C9orf85: variants seen among roughly 807,000 people sequenced by gnomAD.
C9orf85 encodes the protein chromosome 9 open reading frame 85.
In C9orf85, 16 loss-of-function variants were observed where a neutral mutation model predicts 14.9. That is an observed-to-expected ratio of 1.08 (90% CI 0.73 to 1.63). The LOEUF (loss-of-function observed/expected upper bound fraction) is 1.63, where lower values mean the gene tolerates loss of function less well. C9orf85 is among the 40% of genes most tolerant of loss of function. The pLI is 0.00. For synonymous variants in C9orf85, 45 were observed against 56.8 expected, an observed-to-expected ratio of 0.79 and a Z score of 0.93; for missense variants, 172 against 186.1, an observed-to-expected ratio of 0.92 and a Z score of 0.44.
At chr9:71,931,183 A>G (rs1001362193) in intron 1 of C9orf85, among the ~76,000 whole-genome samples, 2 of 152,202 alleles carry the variant, frequency 1.3e-5, no homozygotes, top group African/African-American at 4.8e-5. Flanking sequence ...GAATCTGGGA[A>G]AAATTACATC....
downstream of C9orf85, among the ~76,000 whole-genome samples, chr9:71,976,604 G>A (rs1823002323): frequency 6.6e-6 from 1 of 151,572 alleles, no homozygotes; most frequent in African/African-American, 2.4e-5. Context: ...GGAGCTTACA[G>A]TGAGCCGAGA....
chr9:71,937,591 A>C (rs114782606), intron 1 of C9orf85, among the ~76,000 whole-genome samples: 4 of 152,338 alleles, frequency 2.6e-5, no homozygotes, highest in African/African-American at 9.6e-5. Context: ...ATATTGAACA[A>C]GAGGATCATT....
chr9:71,957,785 C>G (rs1564095772), intron 2 of C9orf85, among the ~76,000 whole-genome samples: 2 of 152,134 alleles, frequency 1.3e-5, no homozygotes, highest in Non-Finnish European at 2.9e-5. Context: ...GAGAAAACCC[C>G]TGCAGTTGTG....
At chr9:71,958,241 A>T (rs577001543) in intron 2 of C9orf85, among the ~76,000 whole-genome samples, 47 of 122,770 alleles carry the variant, frequency 3.8e-4, no homozygotes, top group East Asian at 1.7e-3. Context: ...TTATATATAT[A>T]TTTTTTATAT....
rs372706730 is a variant in C9orf85, at chr9:71,911,836, G to A, written c.102G>A (p.Lys34=). 1.9e-6 allele frequency: 3 copies of A among 1,613,480 alleles called. No homozygotes were observed. The highest frequency in any genetic ancestry group is 2.2e-5 in the East Asian group (1 of 44,890). The change falls in exon 1 of 4, where the codon AAG becomes AAA. Residue 34 remains lysine, a splice_region_variant and synonymous_variant. Coordinates refer to ENST00000334731, the MANE Select transcript of C9orf85 (RefSeq NM_182505.5). ...AGTTCGATAAAAGTGTGCAGACCAA[G>A]GTAGGAACCTGCCTGTTGCACCGTC... The part of the protein sequence containing the change: ...NDKFDKSVQT[K]KINAKLHDGV...
intron 2 of C9orf85, among the ~76,000 whole-genome samples, chr9:71,969,138 A>G (rs1051378029): frequency 9.9e-5 from 15 of 152,144 alleles, no homozygotes; most frequent in African/African-American, 3.4e-4. Flanking sequence ...AACTGAACAT[A>G]CTGACATACT....
At chr9:71,957,495 C>G (rs946668864) in intron 2 of C9orf85, among the ~76,000 whole-genome samples, 5 of 152,042 alleles carry the variant, frequency 3.3e-5, no homozygotes, top group Non-Finnish European at 7.4e-5. Context: ...AAAATTTGTT[C>G]TAAAATACAA....
chr9:71,984,947 G>T (rs909690873), downstream of C9orf85: 6 of 152,304 alleles, frequency 3.9e-5, no homozygotes, highest in African/African-American at 1.4e-4. Context: ...TGGAGGAGGG[G>T]AGGAGAGAGA....
intron 1 of C9orf85, among the ~76,000 whole-genome samples, chr9:71,930,199 A>G (rs900624994): frequency 3.9e-4 from 59 of 152,288 alleles, no homozygotes; most frequent in African/African-American, 1.4e-3. Flanking sequence ...CACCTGACCA[A>G]AGTACAGCCA....
chr9:71,968,087 C>CATATATAT (rs764580008), intron 2 of C9orf85, among the ~76,000 whole-genome samples: 3 of 142,262 alleles, frequency 2.1e-5, no homozygotes, highest in African/African-American at 7.9e-5. Flanking sequence ...TCCATTGCTG[C>CATATATAT]ATATATATAT....
chr9:71,972,347 C>T (rs745868094), intron 3 of C9orf85, among the ~76,000 whole-genome samples: 1 of 152,078 alleles, frequency 6.6e-6, no homozygotes, highest in Non-Finnish European at 1.5e-5. Flanking sequence ...GCAACCTCCG[C>T]CTCCCAAGTT....
Position 71,947,040 on chromosome 9 carries a change from A to G in C9orf85, c.137A>G (p.Gln46Arg), listed in dbSNP as rs756775217. The G allele has an allele frequency of 1.2e-6, 2 of 1,613,432 alleles. No individual in the cohort carries two copies. The highest frequency in any genetic ancestry group is 2.2e-5 in the South Asian group (2 of 91,026). Reference protein sequence around the residue: ...INAKLHDGVCQRCKEVLEWRV... With the variant: ...INAKLHDGVCRRCKEVLEWRV... ...GCAAAACTTCATGATGGAGTATGTC[A>G]GCGCTGTAAAGAAGTTCTTGAGTGG... is the stretch of plus-strand genomic sequence containing the variant. Residue 46 changes from glutamine to arginine, a missense_variant, in exon 2 of 4, where the codon CAG (glutamine) becomes CGG (arginine). By Grantham distance (43) the Gln-to-Arg change is conservative. Coordinates refer to ENST00000334731, the MANE Select transcript of C9orf85 (RefSeq NM_182505.5).
Position 71,957,386 on chromosome 9 carries a change from CTCAG to C in C9orf85, c.209+10278_209+10281del, listed in dbSNP as rs532344258. Among the ~76,000 whole-genome samples, 39 of 152,214 alleles carry C rather than the reference CTCAG, an allele frequency of 2.6e-4. 1 individual carries two copies. The highest frequency in any genetic ancestry group is 2.3e-3 in the South Asian group (11 of 4,812). ...TTTTGCACCAAACTCCAGGTGAAATCTCAGTCAATTTCATTGAAATAAGTAATTA... is the reference window on the plus strand; with the variant it reads ...TTTTGCACCAAACTCCAGGTGAAATCTCAATTTCATTGAAATAAGTAATTA... On this transcript the variant is annotated intron_variant, in intron 2 of 3. Coordinates refer to ENST00000334731, the MANE Select transcript of C9orf85 (RefSeq NM_182505.5).
intron 1 of C9orf85, among the ~76,000 whole-genome samples, chr9:71,921,795 A>T (rs1348397141): frequency 6.6e-6 from 1 of 152,324 alleles, no homozygotes; most frequent in East Asian, 1.9e-4. Flanking sequence ...GGCACTGTCC[A>T]TGAAGGTAAT....
downstream of C9orf85, among the ~76,000 whole-genome samples, chr9:71,974,666 A>G (rs182511296): frequency 7.9e-5 from 12 of 152,312 alleles, no homozygotes; most frequent in Admixed American, 2.6e-4. Context: ...TCTGTTAGGT[A>G]TGTATCTAGC....
At chr9:71,932,048 A>AG (rs1382780325) in intron 1 of C9orf85, among the ~76,000 whole-genome samples, 1 of 152,142 alleles carries the variant, frequency 6.6e-6, no homozygotes, top group Non-Finnish European at 1.5e-5. Flanking sequence ...TCCAGGAATG[A>AG]TCATTCTTAA....
chr9:71,940,512 G>A (rs1189918440), intron 1 of C9orf85, among the ~76,000 whole-genome samples: 1 of 152,114 alleles, frequency 6.6e-6, no homozygotes, highest in Non-Finnish European at 1.5e-5. Flanking sequence ...AGTTATTAGA[G>A]AAATGTAAAT....
intron 2 of C9orf85, among the ~76,000 whole-genome samples, chr9:71,961,177 G>A (rs1822510926): frequency 6.6e-6 from 1 of 151,970 alleles, no homozygotes; most frequent in African/African-American, 2.4e-5. Context: ...CTCCCAGAGT[G>A]CTGGGATTTA....
intron 2 of C9orf85, among the ~76,000 whole-genome samples, chr9:71,959,690 C>T (rs1006402190): frequency 3.9e-5 from 6 of 152,144 alleles, no homozygotes; most frequent in African/African-American, 1.2e-4. Flanking sequence ...CCTGTTAGAA[C>T]ACCTTGTCTT....
Sources: gnomAD v4.1 joint callset for allele counts (sites outside exome capture counted in the v4.1 genomes callset) on GRCh38, gnomAD v4.1.1 for gene constraint, MANE v1.5 for transcripts, NCBI Gene and HGNC (gene_info 2026-07-23, HGNC 2026-07-21) for gene names.